Variants in LCORL observed in about 807,000 individuals in gnomAD.
LCORL encodes ligand dependent nuclear receptor corepressor like.
In LCORL, 41 loss-of-function variants were observed where a neutral mutation model predicts 141.8. That is an observed-to-expected ratio of 0.29 (90% CI 0.23 to 0.38). The LOEUF (loss-of-function observed/expected upper bound fraction) is 0.38. Ranked by LOEUF, LCORL falls within the 10% of genes least tolerant of loss-of-function variation. The probability of loss-of-function intolerance (pLI) is 1.00; values close to 1 mark genes in which losing one functional copy is unlikely to be tolerated. For missense variants in LCORL, 1,759 were observed against 2,035.0 expected (o/e 0.86, Z 2.61); for synonymous variants, 618 against 694.1 (o/e 0.89, Z 1.72).
chr4:17,883,962 G>A (rs1402703467), intron 6 of LCORL: 1 of 1,550,662 alleles, frequency 6.4e-7, no homozygotes, highest in Non-Finnish European at 8.7e-7. Context: ...TCATATTGCC[G>A]ATAGCGGCCA....
intron 1 of LCORL, among the ~76,000 whole-genome samples, chr4:17,973,445 C>T (rs1159520185): frequency 6.6e-6 from 1 of 151,652 alleles, no homozygotes; most frequent in African/African-American, 2.4e-5. Flanking sequence ...AAAATCTTAC[C>T]AAGTTAACAA....
chr4:17,906,569 G>A (rs1731652469), intron 5 of LCORL, among the ~76,000 whole-genome samples: 1 of 151,098 alleles, frequency 6.6e-6, no homozygotes, highest in Non-Finnish European at 1.5e-5. Flanking sequence ...ACTTTGTTTA[G>A]ACTATTACAA....
chr4:18,011,480 A>C (rs1042894073), intron 1 of LCORL, among the ~76,000 whole-genome samples: 5 of 152,002 alleles, frequency 3.3e-5, no homozygotes, highest in African/African-American at 1.2e-4. Flanking sequence ...TCCTTGTAGA[A>C]GCTATAATTT....
chr4:17,941,332 T>C (rs1737922908), intron 4 of LCORL, among the ~76,000 whole-genome samples: 1 of 152,024 alleles, frequency 6.6e-6, no homozygotes, highest in South Asian at 2.1e-4. Context: ...TATGCACTTA[T>C]ACATTTTTAT....
intron 6 of LCORL, chr4:17,880,802 T>C: frequency 1.1e-6 from 1 of 911,716 alleles, no homozygotes; most frequent in Non-Finnish European, 1.3e-6. Context: ...ACAGTACATT[T>C]ACAACACAAG....
chr4:17,873,756 A>G (rs1726625093), exon 7 of LCORL: 1 of 1,233,964 alleles, frequency 8.1e-7, no homozygotes, highest in African/African-American at 1.6e-5. Context: ...GATTGTATTT[A>G]GCTTAAAAGT....
At chr4:17,879,310 A>G (rs1727263717) in intron 6 of LCORL, among the ~76,000 whole-genome samples, 2 of 151,300 alleles carry the variant, frequency 1.3e-5, no homozygotes, top group South Asian at 4.1e-4. Flanking sequence ...TATATTTTAT[A>G]AAAATTATGT....
chr4:17,912,241 A>G (rs1560330404), intron 4 of LCORL: 8 of 723,074 alleles, frequency 1.1e-5, no homozygotes, highest in Admixed American at 1.8e-5. Flanking sequence ...GGAGAGCAAC[A>G]TTATGGGCTC....
intron 4 of LCORL, among the ~76,000 whole-genome samples, chr4:17,950,297 G>A (rs538378243): frequency 6.6e-6 from 1 of 152,066 alleles, no homozygotes; most frequent in African/African-American, 2.4e-5. Context: ...TCTTAAACAA[G>A]GCACTTCTGA....
At chr4:18,011,908 T>C (rs1174039777) in intron 1 of LCORL, among the ~76,000 whole-genome samples, 1 of 152,214 alleles carries the variant, frequency 6.6e-6, no homozygotes, top group Non-Finnish European at 1.5e-5. Flanking sequence ...CAAAATTAAT[T>C]GTTCCCACTT....
In LCORL at chr4:18,002,464, T is replaced by C. The variant is rs115720237; in HGVS notation, c.154+19134A>G. On this transcript the variant is annotated intron_variant, in intron 1 of 7. Transcript: ENST00000635767. ...TTTTTTGGTTTATAACTAAACCATA[T>C]AGTACAAACAAAAATAGTTAATATT... Among the ~76,000 whole-genome samples the C allele has an allele frequency of 6.8e-3, 1,033 of 151,992 alleles. 10 individuals are homozygous for C. The highest frequency in any genetic ancestry group is 0.024 in the Middle Eastern group (7 of 294).
At chr4:18,002,445 G>T (rs962742181) in intron 1 of LCORL, among the ~76,000 whole-genome samples, 58 of 150,682 alleles carry the variant, frequency 3.8e-4, no homozygotes, top group African/African-American at 1.4e-3. Context: ...TAAATTTTTT[G>T]GTTTATAACT....
chr4:17,947,307 C>A (rs1197818155), intron 4 of LCORL, among the ~76,000 whole-genome samples: 1 of 151,874 alleles, frequency 6.6e-6, no homozygotes, highest in Non-Finnish European at 1.5e-5. Flanking sequence ...TATTGCATGT[C>A]TTCACTTATA....
intron 6 of LCORL, 42 bp from the exon 7 acceptor site, chr4:17,878,255 T>TA (rs1727120538): frequency 1.7e-6 from 2 of 1,194,068 alleles, no homozygotes; most frequent in Non-Finnish European, 2.1e-6. Flanking sequence ...GCAGCAAAAA[T>TA]ACCACTATAA....
At position 17,875,021 on chromosome 4, in the gene LCORL, A is replaced by G. The variant is rs760026100; in HGVS notation, c.3969T>C (p.Ala1323=). ...TAATAGAATGTCTCAAAGGTACAGT[A>G]GCAATCATACGTTTTGATCCATTTT... Residue 1323 remains alanine (A), a synonymous_variant, in exon 7 of 8, where the codon GCT becomes GCC. Coordinates refer to ENST00000635767, the Ensembl canonical transcript of LCORL. 154 of 1,233,624 alleles carry G rather than the reference A, an allele frequency of 1.2e-4. 1 individual carries two copies. Among genetic ancestry groups the G allele is most frequent in the Middle Eastern group, 2.1e-4 (1 of 4,858 alleles). The allele number at this position is 1,233,624 out of a possible 1,614,324, so 76.4% of individuals were successfully genotyped here. A position where few individuals can be genotyped will look rare whatever the true frequency, so the allele number is the denominator to read the frequency against.
intron 7 of LCORL, among the ~76,000 whole-genome samples, chr4:17,865,395 T>C (rs1363551841): frequency 6.6e-6 from 1 of 152,196 alleles, no homozygotes; most frequent in African/African-American, 2.4e-5. Context: ...GGTCTTGCCA[T>C]GTTGCCCAGG....
chr4:17,875,967 T>C (rs761454403), exon 7 of LCORL: 14 of 1,231,124 alleles, frequency 1.1e-5, no homozygotes, highest in Non-Finnish European at 1.3e-5. Flanking sequence ...GATATCCTCA[T>C]TTGTTTCTGT....
chr4:17,976,089 TATG>T (rs1266892684), intron 1 of LCORL, among the ~76,000 whole-genome samples: 3 of 152,178 alleles, frequency 2.0e-5, no homozygotes, highest in Non-Finnish European at 4.4e-5. Context: ...CCAACTTTCT[TATG>T]ATAAGCAGCA....
chr4:17,967,196 T>TA (rs987421407), intron 2 of LCORL, among the ~76,000 whole-genome samples: 30 of 151,902 alleles, frequency 2.0e-4, no homozygotes, highest in African/African-American at 6.3e-4. Context: ...TATGACATTC[T>TA]AAAAAAAACA....
Sources: allele counts gnomAD v4.1 joint callset (sites outside exome capture counted in the v4.1 genomes callset), GRCh38; gene constraint gnomAD v4.1.1; transcripts MANE v1.5; gene names NCBI Gene and HGNC (gene_info 2026-07-23, HGNC 2026-07-21).